The following TRDN variants were observed in gnomAD, a reference collection of about 807,000 sequenced individuals.
TRDN encodes the protein triadin in skeletal muscle.
TRDN carries 161 observed loss-of-function variants against 149.7 expected under a neutral mutation model. That is an observed-to-expected ratio of 1.08 (90% CI 0.95 to 1.23). TRDN has a LOEUF of 1.23. Among genes scored for constraint, TRDN ranks in the 50% most tolerant of loss-of-function variants. The probability of loss-of-function intolerance (pLI) is 0.00; values close to 1 mark genes in which losing one functional copy is unlikely to be tolerated. For missense variants in TRDN, 896 were observed against 823.5 expected (o/e 1.09, Z -1.08); for synonymous variants, 294 against 250.5 (o/e 1.17, Z -1.64).
At chr6:123,261,610 T>A (rs1281596125) in intron 33 of TRDN, among the ~76,000 whole-genome samples, 5 of 151,838 alleles carry the variant, frequency 3.3e-5, no homozygotes, top group Admixed American at 3.3e-4. Context: ...AATATCAATG[T>A]TTTCTACAAA....
At chr6:123,583,620 T>C (rs1486804057) in intron 1 of TRDN, among the ~76,000 whole-genome samples, 2 of 151,846 alleles carry the variant, frequency 1.3e-5, no homozygotes, top group Admixed American at 1.3e-4. Context: ...TAAAAGCTTG[T>C]CTGTTATCAG....
intron 38 of TRDN, among the ~76,000 whole-genome samples, chr6:123,241,887 CA>C (rs1776003131): frequency 6.6e-6 from 1 of 151,904 alleles, no homozygotes; most frequent in African/African-American, 2.4e-5. Flanking sequence ...TTACAGGAAA[CA>C]TGGCAAAGTT....
intron 1 of TRDN, among the ~76,000 whole-genome samples, chr6:123,609,595 C>T (rs1376799231): frequency 1.3e-5 from 2 of 152,092 alleles, no homozygotes; most frequent in Non-Finnish European, 2.9e-5. Flanking sequence ...GTTGGCAAAA[C>T]ACAGATGGAA....
At chr6:123,566,838 T>A (rs1782319724) in intron 2 of TRDN, among the ~76,000 whole-genome samples, 1 of 152,248 alleles carries the variant, frequency 6.6e-6, no homozygotes, top group Admixed American at 6.5e-5. Flanking sequence ...TCTTTCATTT[T>A]TATAATACAC....
intron 12 of TRDN, among the ~76,000 whole-genome samples, chr6:123,418,824 G>C (rs947585288): frequency 2.0e-5 from 3 of 152,064 alleles, no homozygotes; most frequent in Admixed American, 6.6e-5. Context: ...AAAGCATTCT[G>C]TTTCACTGCT....
chr6:123,564,101 A>G (rs1464465949), intron 2 of TRDN, among the ~76,000 whole-genome samples: 2 of 152,114 alleles, frequency 1.3e-5, no homozygotes, highest in African/African-American at 2.4e-5. Context: ...GAATTGATAC[A>G]CTTTTTATTA....
intron 9 of TRDN, among the ~76,000 whole-genome samples, chr6:123,492,019 A>T (rs926875950): frequency 1.3e-5 from 2 of 152,202 alleles, no homozygotes; most frequent in African/African-American, 4.8e-5. Context: ...GTTCAAGAAA[A>T]GGATCTTAAT....
intron 38 of TRDN, among the ~76,000 whole-genome samples, chr6:123,246,768 A>G (rs1037666919): frequency 2.7e-5 from 4 of 149,488 alleles, no homozygotes; most frequent in African/African-American, 9.7e-5. Flanking sequence ...TCCTGATACC[A>G]AAATCTGGCA....
chr6:123,601,379 T>C (rs1411569755), intron 1 of TRDN, among the ~76,000 whole-genome samples: 1 of 152,126 alleles, frequency 6.6e-6, no homozygotes, highest in East Asian at 1.9e-4. Context: ...CACCTTTTGT[T>C]CACCCCTGTG....
intron 12 of TRDN, among the ~76,000 whole-genome samples, chr6:123,403,170 T>A (rs1773052330): frequency 6.6e-6 from 1 of 152,178 alleles, no homozygotes; most frequent in Non-Finnish European, 1.5e-5. Context: ...AAAATCCAAA[T>A]GTTGATTTCA....
chr6:123,560,286 C>G (rs1781914828), intron 2 of TRDN, among the ~76,000 whole-genome samples: 1 of 152,054 alleles, frequency 6.6e-6, no homozygotes, highest in African/African-American at 2.4e-5. Flanking sequence ...AAACTCATTG[C>G]CTTAACTCGG....
chr6:123,425,179 T>C (rs192095646), intron 12 of TRDN, among the ~76,000 whole-genome samples: 3 of 151,260 alleles, frequency 2.0e-5, no homozygotes, highest in African/African-American at 7.3e-5. Flanking sequence ...AAGGGTGTAG[T>C]AATCTTCTAA....
intron 13 of TRDN, among the ~76,000 whole-genome samples, 177 bp from the exon 14 acceptor site, chr6:123,388,728 T>G (rs1406729555): frequency 6.6e-6 from 1 of 152,130 alleles, no homozygotes; most frequent in Admixed American, 6.6e-5. Flanking sequence ...ATAAAGATAT[T>G]TGTAAACTCA....
rs545032318 is a variant in TRDN at position 123,516,189 on chromosome 6, C to A, written c.502G>T (p.Glu168Ter). 1.8e-5 allele frequency: 27 copies of A among 1,482,758 alleles called. No homozygotes were observed. The highest frequency in any genetic ancestry group is 2.4e-5 in the Non-Finnish European group (27 of 1,104,906). 91.9% of individuals were successfully genotyped at this position (1,482,758 alleles called of 1,614,324 possible). Residue 168 changes from glutamate (E) to a stop codon, truncating the protein, a stop_gained, in exon 6 of 41, where the codon GAA (glutamate) becomes TAA (stop). Transcript: ENST00000334268. LOFTEE classifies it high-confidence loss of function. ...TCTCTTACTTTTTCTTTTCCTTTTT[C>A]TTTTTCTTTGTGTGTAACTGAAAAG... ...IQTKVTHKEK[E>*]KGKEKVREKE...
rs376370234 is a variant in TRDN, at chr6:123,438,079, A to G, written c.1035T>C (p.Ile345=). ...GTGCAATACCTTTTTTTTCCACATC[A>G]ATGGCAGTTTCCTTCTCACTTTTCT... The part of the protein sequence containing the change: ...IKKKSEKETA[I]DVEKKEPGKA... Residue 345 remains isoleucine (I), a synonymous_variant, in exon 12 of 41, where the codon ATT becomes ATC. Transcript: ENST00000334268. 4.5e-5 allele frequency: 72 copies of G among 1,595,478 alleles called. No homozygotes were observed. Among genetic ancestry groups the G allele is most frequent in the Non-Finnish European group, 5.8e-5 (68 of 1,173,406 alleles).
In TRDN at chr6:123,337,643, T is replaced by A. The variant is rs1387925409; in HGVS notation, c.1396A>T (p.Thr466Ser). 6.9e-7 allele frequency: 1 copy of A among 1,449,586 alleles called. No individual in the cohort carries two copies. Among genetic ancestry groups the A allele is most frequent in the East Asian group, 2.7e-5 (1 of 37,422 alleles). 89.8% of individuals were successfully genotyped at this position (1,449,586 alleles called of 1,614,324 possible). A position where few individuals can be genotyped will look rare whatever the true frequency, so the allele number is the denominator to read the frequency against. The change falls in exon 22 of 41, where the codon ACT (threonine) becomes TCT (serine). Residue 466 changes from threonine to serine, a missense_variant. Coordinates refer to ENST00000334268, the MANE Select transcript of TRDN (RefSeq NM_006073.4). Reference protein sequence around the residue: ...QEIRKEKSGKTSSILKDKEPI... With the variant: ...QEIRKEKSGKSSSILKDKEPI... ...CCTTTATCTTTCAGAATTGAAGAAG[T>A]CTTCCCAGATTTTTCTTTTCTAATT...
In TRDN at chr6:123,537,901, T is replaced by C. The variant is rs374195734; in HGVS notation, c.425-7336A>G. Among the ~76,000 whole-genome samples, 7 of 152,262 alleles carry C rather than the reference T, an allele frequency of 4.6e-5. No individual in the cohort carries two copies. The East Asian group carries it at 1.2e-3, about 25-fold the overall frequency. The stretch of plus-strand genomic sequence containing the variant: ...TACTTATGATCATACCAAAGCTTGC[T>C]GTTGAGTAGACAGATAGTTTGTAAT... On this transcript the variant is annotated intron_variant, in intron 4 of 40. Coordinates refer to ENST00000334268, the MANE Select transcript of TRDN (RefSeq NM_006073.4).
chr6:123,517,729 C>G (rs972589408), intron 5 of TRDN, among the ~76,000 whole-genome samples: 6 of 152,158 alleles, frequency 3.9e-5, no homozygotes, highest in Admixed American at 2.0e-4. Context: ...AATTACCACA[C>G]CCACATTCAT....
At chr6:123,511,438 T>C (rs1305137496) in intron 7 of TRDN, among the ~76,000 whole-genome samples, 1 of 152,140 alleles carries the variant, frequency 6.6e-6, no homozygotes, top group East Asian at 1.9e-4. Context: ...AAACATCACA[T>C]GTACCCCATA....
Sources: allele counts gnomAD v4.1 joint callset (sites outside exome capture counted in the v4.1 genomes callset), GRCh38; gene constraint gnomAD v4.1.1; transcripts MANE v1.5; gene names NCBI Gene and HGNC (gene_info 2026-07-23, HGNC 2026-07-21).